Variants in ESRRG observed in about 807,000 individuals in gnomAD.
The protein encoded by ESRRG is estrogen related receptor gamma, also known as estrogen-related receptor gamma.
A neutral mutation model predicts 44.0 loss-of-function variants in ESRRG; 13 were observed. The ratio of observed to expected loss-of-function variants is 0.30; its 90% confidence interval spans 0.19 to 0.47. The LOEUF (loss-of-function observed/expected upper bound fraction) is 0.47. Among genes scored for constraint, ESRRG ranks in the 20% least tolerant of loss-of-function variants. ESRRG has a pLI of 1.00. For missense variants in ESRRG, 395 were observed against 580.6 expected (o/e 0.68, Z 3.29); for synonymous variants, 215 against 214.6 (o/e 1.00, Z -0.02).
chr1:217,132,769 T>G (rs1330807839), intron 1 of ESRRG, among the ~76,000 whole-genome samples: 2 of 152,130 alleles, frequency 1.3e-5, no homozygotes, highest in Non-Finnish European at 2.9e-5. Flanking sequence ...TGCCTCGTTT[T>G]GGGGGTTACA....
chr1:216,969,501 A>T (rs1327026944), intron 1 of ESRRG, among the ~76,000 whole-genome samples: 2 of 152,194 alleles, frequency 1.3e-5, no homozygotes, highest in Non-Finnish European at 2.9e-5. Flanking sequence ...TTATAAGTTT[A>T]CCTTCAGTAC....
intron 1 of ESRRG, among the ~76,000 whole-genome samples, chr1:217,064,583 T>C (rs796151623): frequency 2.6e-5 from 4 of 152,290 alleles, no homozygotes; most frequent in African/African-American, 9.6e-5. Flanking sequence ...TTTTCAGGCC[T>C]TCCCTCCACA....
intron 2 of ESRRG, among the ~76,000 whole-genome samples, chr1:216,750,887 G>A (rs1469502880): frequency 3.3e-5 from 5 of 152,062 alleles, no homozygotes; most frequent in Non-Finnish European, 5.9e-5. Context: ...AAATACCTTA[G>A]GAGAGTGCTC....
chr1:216,769,928 G>T (rs1317428899), intron 2 of ESRRG, among the ~76,000 whole-genome samples: 1 of 152,048 alleles, frequency 6.6e-6, no homozygotes, highest in Non-Finnish European at 1.5e-5. Flanking sequence ...TGTTAAGGAA[G>T]AGAATAGAGA....
intron 2 of ESRRG, among the ~76,000 whole-genome samples, chr1:216,730,058 C>G (rs2088401767): frequency 1.3e-5 from 2 of 152,020 alleles, no homozygotes; most frequent in South Asian, 4.1e-4. Flanking sequence ...AGGTTACATA[C>G]CTAGGTAGTA....
intron 2 of ESRRG, among the ~76,000 whole-genome samples, chr1:216,769,378 G>T (rs1406390843): frequency 6.6e-6 from 1 of 152,120 alleles, no homozygotes; most frequent in South Asian, 2.1e-4. Flanking sequence ...AAGTAACCAT[G>T]AAGAGAACTG....
chr1:216,830,279 T>C (rs540727010), intron 2 of ESRRG, among the ~76,000 whole-genome samples: 1 of 152,232 alleles, frequency 6.6e-6, no homozygotes, highest in South Asian at 2.1e-4. Context: ...GGAGGAACAA[T>C]TTGGTAGATT....
intron 1 of ESRRG, among the ~76,000 whole-genome samples, chr1:216,996,777 TA>T: frequency 6.6e-6 from 1 of 152,166 alleles, no homozygotes; most frequent in Non-Finnish European, 1.5e-5. Flanking sequence ...ATTCAGCCAA[TA>T]TTCACTAAAC....
chr1:216,507,173 G>A lies in ESRRG; in HGVS notation c.1143C>T (p.His381=). ...TCTGAACGGCTTCAACATCTTCTAT[G>A]TGCATGGAGTCTGTGCAATGAAGCA... ...AIALANSDSM[H]IEDVEAVQKL... The change falls in exon 7 of 7, where the codon CAC becomes CAT. Residue 381 remains histidine (H), a synonymous_variant. Coordinates refer to ENST00000408911, the MANE Select transcript of ESRRG (RefSeq NM_001438.4). 1 of 1,608,824 alleles carries A rather than the reference G, an allele frequency of 6.2e-7. No homozygotes were observed. Among genetic ancestry groups the A allele is most frequent in the Non-Finnish European group, 8.5e-7 (1 of 1,177,398 alleles).
intron 3 of ESRRG, among the ~76,000 whole-genome samples, chr1:216,576,563 G>A (rs2061719082): frequency 6.6e-6 from 1 of 151,982 alleles, no homozygotes; most frequent in South Asian, 2.1e-4. Flanking sequence ...TACAGTTGTG[G>A]ATTTCTGTGC....
At chr1:216,511,547 T>TCACACACACACACACACACACACA (rs79870471) in intron 6 of ESRRG, among the ~76,000 whole-genome samples, 13,707 of 144,676 alleles carry the variant, frequency 0.095, 889 homozygotes, top group Non-Finnish European at 0.13. Flanking sequence ...ATACATAAAT[T>TCACACACACACACACACACACACA]CACACACACA....
At chr1:216,605,225 T>A (rs1161763157) in intron 3 of ESRRG, among the ~76,000 whole-genome samples, 2 of 152,176 alleles carry the variant, frequency 1.3e-5, no homozygotes, top group South Asian at 2.1e-4. Context: ...GTGAACCAAT[T>A]TACTAAACAA....
At chr1:216,633,424 G>C (rs1338639918) in intron 3 of ESRRG, among the ~76,000 whole-genome samples, 1 of 152,188 alleles carries the variant, frequency 6.6e-6, no homozygotes, top group African/African-American at 2.4e-5. Context: ...TGTGTCATTT[G>C]CAATATTATA....
intron 5 of ESRRG, 34 bp downstream of exon 5, chr1:216,564,185 C>CCTTGT (rs1573059601): frequency 7.1e-6 from 10 of 1,406,646 alleles, no homozygotes; most frequent in Non-Finnish European, 9.5e-6. Flanking sequence ...TTAATTGCAA[C>CCTTGT]CTTTTCTTTT....
In ESRRG at chr1:216,551,346, T is replaced by C. The variant is rs2056284909; in HGVS notation, c.862+12873A>G. ...TGTTGAGGAACTGAATATTACAAAGTGTTTAGGAAAATGTCAAACTGAATT... is the reference window on the plus strand; with the variant it reads ...TGTTGAGGAACTGAATATTACAAAGCGTTTAGGAAAATGTCAAACTGAATT... On this transcript the variant is annotated intron_variant, in intron 5 of 6. Transcript: ENST00000408911. Among the ~76,000 whole-genome samples, 3 of 152,218 alleles carry C rather than the reference T, an allele frequency of 2.0e-5. No individual in the cohort carries two copies. In the East Asian group the frequency reaches 5.8e-4, roughly 29 times the overall value.
At chr1:216,875,272 G>C (rs1391583364) in intron 2 of ESRRG, among the ~76,000 whole-genome samples, 1 of 152,054 alleles carries the variant, frequency 6.6e-6, no homozygotes, top group Non-Finnish European at 1.5e-5. Flanking sequence ...CACAGATCTT[G>C]CTTTTAGAAG....
At chr1:216,812,449 C>T (rs1395802232) in intron 2 of ESRRG, among the ~76,000 whole-genome samples, 2 of 151,988 alleles carry the variant, frequency 1.3e-5, no homozygotes, top group Non-Finnish European at 2.9e-5. Context: ...TTCTGCAGAG[C>T]TGTGTGTTCA....
chr1:217,111,461 G>T (rs2092660545), intron 1 of ESRRG, among the ~76,000 whole-genome samples: 1 of 152,312 alleles, frequency 6.6e-6, no homozygotes, highest in East Asian at 1.9e-4. Context: ...TCTGACAGGG[G>T]TTCACATGAT....
At chr1:216,748,956 G>A (rs1259857607) in intron 2 of ESRRG, among the ~76,000 whole-genome samples, 1 of 152,032 alleles carries the variant, frequency 6.6e-6, no homozygotes, top group Non-Finnish European at 1.5e-5. Context: ...ATCTTCAGTT[G>A]CCTACGGTCG....
Sources: allele counts gnomAD v4.1 joint callset (sites outside exome capture counted in the v4.1 genomes callset), GRCh38; gene constraint gnomAD v4.1.1; transcripts MANE v1.5; gene names NCBI Gene and HGNC (gene_info 2026-07-23, HGNC 2026-07-21).